ARHGAP10: variants seen among roughly 807,000 people sequenced by gnomAD.
ARHGAP10 encodes the protein Rho GTPase activating protein 10.
In ARHGAP10, 87 loss-of-function variants were observed where a neutral mutation model predicts 108.6. That is an observed-to-expected ratio of 0.80 (90% CI 0.67 to 0.96). The LOEUF is 0.96. Among genes scored for constraint, ARHGAP10 ranks in the 40% least tolerant of loss-of-function variants. The pLI, the probability that ARHGAP10 is intolerant of heterozygous loss-of-function variation, is 0.00. For synonymous variants in ARHGAP10, 347 were observed against 341.1 expected, an observed-to-expected ratio of 1.02 and a Z score of -0.19; for missense variants, 939 against 954.5, an observed-to-expected ratio of 0.98 and a Z score of 0.21.
chr4:147,869,716 A>G (rs10018820), intron 7 of ARHGAP10, among the ~76,000 whole-genome samples: 13,638 of 151,492 alleles, frequency 0.09, 641 homozygotes, highest in East Asian at 0.16. Flanking sequence ...AAACACTCTT[A>G]CAACTCAGAG....
chr4:147,753,315 T>C (rs1729235621), intron 1 of ARHGAP10, among the ~76,000 whole-genome samples: 1 of 151,932 alleles, frequency 6.6e-6, no homozygotes, highest in Non-Finnish European at 1.5e-5. Context: ...AGCTCATTTC[T>C]AGTGTTGAGT....
Position 147,836,101 on chromosome 4 carries a change from T to C in ARHGAP10, c.313-11050T>C, listed in dbSNP as rs533579723. On this transcript the variant is annotated intron_variant, in intron 3 of 22. Coordinates refer to ENST00000336498, the MANE Select transcript of ARHGAP10 (RefSeq NM_024605.4). The stretch of plus-strand genomic sequence containing the variant: ...TAAATAATCTGAATAAAATTTCTGC[T>C]ATCTTTTTTCAGTTAATGTCCTTCA... 9.8e-5 allele frequency among the ~76,000 whole-genome samples: 15 copies of C among 152,372 alleles called. No individual in the cohort carries two copies. In the South Asian group the frequency reaches 3.1e-3, roughly 32 times the overall value.
intron 18 of ARHGAP10, among the ~76,000 whole-genome samples, chr4:147,995,306 T>C (rs531360264): frequency 8.5e-5 from 13 of 152,294 alleles, no homozygotes; most frequent in Middle Eastern, 6.8e-3. Context: ...ACCATTCATA[T>C]ACGATTTAAG....
At chr4:147,980,500 G>A (rs1739772168) in intron 18 of ARHGAP10, among the ~76,000 whole-genome samples, 1 of 151,932 alleles carries the variant, frequency 6.6e-6, no homozygotes, top group Admixed American at 6.6e-5. Flanking sequence ...GTAGTTTTTT[G>A]TTGTTGTTTT....
chr4:147,799,252 C>G (rs1459126603), intron 1 of ARHGAP10, among the ~76,000 whole-genome samples: 4 of 152,078 alleles, frequency 2.6e-5, no homozygotes, highest in African/African-American at 9.7e-5. Flanking sequence ...GTTTGCCAGG[C>G]TGGTCACAAA....
intron 8 of ARHGAP10, among the ~76,000 whole-genome samples, chr4:147,876,510 G>A (rs1330822640): frequency 6.6e-6 from 1 of 151,908 alleles, no homozygotes; most frequent in East Asian, 1.9e-4. Flanking sequence ...GGAGAATGGC[G>A]TGAACCTGGG....
chr4:147,781,841 CGTCA>C (rs1730550236), intron 1 of ARHGAP10, among the ~76,000 whole-genome samples: 1 of 152,034 alleles, frequency 6.6e-6, no homozygotes, highest in African/African-American at 2.4e-5. Context: ...CATCTTTACG[CGTCA>C]GTATTTCCAT....
At chr4:148,019,620 C>T (rs532387597) in intron 18 of ARHGAP10, among the ~76,000 whole-genome samples, 1 of 151,932 alleles carries the variant, frequency 6.6e-6, no homozygotes, top group Admixed American at 6.6e-5. Flanking sequence ...CATGGTGGTG[C>T]GTGCCTGTAA....
intron 18 of ARHGAP10, among the ~76,000 whole-genome samples, chr4:148,007,030 C>T (rs949572969): frequency 6.6e-6 from 1 of 152,072 alleles, no homozygotes; most frequent in Non-Finnish European, 1.5e-5. Context: ...AAAAATTAGA[C>T]GAAATTGCCT....
chr4:147,905,014 G>T lies in ARHGAP10; in HGVS notation c.1035-1624G>T, dbSNP rs550636187. On this transcript the variant is annotated intron_variant, in intron 10 of 22. Coordinates refer to ENST00000336498, the MANE Select transcript of ARHGAP10 (RefSeq NM_024605.4). Reference sequence around the variant, plus strand: ...TGAGCATTTTTTCATGTGTTTTTTGGCTGCATAAATGTCTTCTTTTGAGAA... The same window carrying T: ...TGAGCATTTTTTCATGTGTTTTTTGTCTGCATAAATGTCTTCTTTTGAGAA... Among the ~76,000 whole-genome samples, 287 of 152,168 alleles carry T rather than the reference G, an allele frequency of 1.9e-3. 4 individuals are homozygous for T. The highest frequency in any genetic ancestry group is 6.3e-4 in the Non-Finnish European group (43 of 68,012).
At chr4:147,949,911 G>A (rs1399837861) in intron 15 of ARHGAP10, among the ~76,000 whole-genome samples, 1 of 151,954 alleles carries the variant, frequency 6.6e-6, no homozygotes, top group Non-Finnish European at 1.5e-5. Flanking sequence ...TAAACTAGAG[G>A]CCCTTTTTAT....
chr4:148,053,213 G>T (rs1729220172), intron 20 of ARHGAP10, among the ~76,000 whole-genome samples: 1 of 152,150 alleles, frequency 6.6e-6, no homozygotes, highest in Non-Finnish European at 1.5e-5. Flanking sequence ...TCATGTGTCT[G>T]CCCAGTGACT....
intron 3 of ARHGAP10, among the ~76,000 whole-genome samples, chr4:147,824,506 A>T (rs1163197944): frequency 6.6e-6 from 1 of 152,152 alleles, no homozygotes; most frequent in East Asian, 1.9e-4. Flanking sequence ...TGCTATGAAG[A>T]AATACCTGAG....
intron 13 of ARHGAP10, among the ~76,000 whole-genome samples, chr4:147,922,083 G>A (rs546766400): frequency 4.6e-4 from 70 of 152,222 alleles, no homozygotes; most frequent in Non-Finnish European, 9.1e-4. Flanking sequence ...AGGGCAAGAG[G>A]AATTGTCCAG....
chr4:147,769,585 C>T (rs1729989270), intron 1 of ARHGAP10, among the ~76,000 whole-genome samples: 2 of 152,082 alleles, frequency 1.3e-5, no homozygotes, highest in African/African-American at 2.4e-5. Flanking sequence ...ATGATTAATA[C>T]TTACGGTGAT....
At chr4:147,788,187 G>A (rs997574937) in intron 1 of ARHGAP10, among the ~76,000 whole-genome samples, 10 of 151,888 alleles carry the variant, frequency 6.6e-5, no homozygotes, top group African/African-American at 1.7e-4. Context: ...TGGCTTGCAC[G>A]TGTAATCCCA....
intron 6 of ARHGAP10, 124 bp downstream of exon 6, chr4:147,865,080 A>G (rs1333748844): frequency 4.9e-6 from 4 of 813,832 alleles, no homozygotes; most frequent in Non-Finnish European, 7.7e-6. Flanking sequence ...AAAGAGACAT[A>G]TTAAAAAGGG....
At chr4:147,972,209 T>TC (rs1739438602) in intron 18 of ARHGAP10, among the ~76,000 whole-genome samples, 1 of 152,194 alleles carries the variant, frequency 6.6e-6, no homozygotes, top group Non-Finnish European at 1.5e-5. Flanking sequence ...GAGATTGGCG[T>TC]AAGAAAATAT....
intron 15 of ARHGAP10, among the ~76,000 whole-genome samples, chr4:147,947,401 A>T (rs2126972481): frequency 6.6e-6 from 1 of 151,700 alleles, no homozygotes; most frequent in East Asian, 1.9e-4. Context: ...ATGGCCTAGG[A>T]CCAGTTCTTT....
Sources: gnomAD v4.1 joint callset for allele counts (sites outside exome capture counted in the v4.1 genomes callset) on GRCh38, gnomAD v4.1.1 for gene constraint, MANE v1.5 for transcripts, NCBI Gene and HGNC (gene_info 2026-07-23, HGNC 2026-07-21) for gene names.